The following PRRG1 variants were observed in gnomAD, a reference collection of about 807,000 sequenced individuals.
PRRG1 encodes the protein transmembrane gamma-carboxyglutamic acid protein 1.
PRRG1 carries 5 observed loss-of-function variants against 11.8 expected under a neutral mutation model. That is an observed-to-expected ratio of 0.42 (90% confidence interval 0.22 to 0.89). The LOEUF (loss-of-function observed/expected upper bound fraction) is 0.89, where lower values mean the gene tolerates loss of function less well. PRRG1 is among the 40% of genes least tolerant of loss of function. The pLI, the probability that PRRG1 is intolerant of heterozygous loss-of-function variation, is 0.28. For missense variants in PRRG1, 155 were observed against 166.1 expected (o/e 0.93, Z 0.37); for synonymous variants, 66 against 60.4 (o/e 1.09, Z -0.43).
chrX:37,356,188 A>T (rs1930227074), intron 1 of PRRG1, among the ~76,000 whole-genome samples: 1 of 112,133 alleles, frequency 8.9e-6, no homozygotes, highest in African/African-American at 3.2e-5. Context: ...ATACACATAA[A>T]TATACATATA....
chrX:37,408,604 AG>A (rs1354456250), intron 2 of PRRG1, among the ~76,000 whole-genome samples: 1 of 111,895 alleles, frequency 8.9e-6, no homozygotes, highest in Non-Finnish European at 1.9e-5. Context: ...TGCATATCAA[AG>A]CTTGCCGGCC....
chrX:37,448,175 G>A (rs1015437451), intron 3 of PRRG1, among the ~76,000 whole-genome samples: 5 of 112,223 alleles, frequency 4.5e-5, no homozygotes, highest in African/African-American at 1.6e-4. Flanking sequence ...CGAAAGCATA[G>A]ATTTATTGAA....
In PRRG1 at chrX:37,395,078, C is replaced by T. The variant is rs915223703; in HGVS notation, c.-41-11131C>T. ...GAACTATTAAAACTGTTATTTAATC[C>T]TCCCTCAAAGCCTGTGAAATTAGAG... On this transcript the variant is annotated intron_variant, in intron 1 of 3. Transcript: ENST00000378628. Among the ~76,000 whole-genome samples the T allele has an allele frequency of 2.7e-5, 3 of 111,450 alleles. No individual in the cohort carries two copies. In the East Asian group the frequency reaches 8.4e-4, roughly 31 times the overall value.
At chrX:37,423,366 GTGTT>G (rs1932714483) in intron 2 of PRRG1, among the ~76,000 whole-genome samples, 1 of 110,118 alleles carries the variant, frequency 9.1e-6, no homozygotes, top group Non-Finnish European at 1.9e-5. Context: ...GCTGTACAAT[GTGTT>G]TGTATTTTAA....
intron 3 of PRRG1, among the ~76,000 whole-genome samples, chrX:37,439,210 A>G (rs1396781197): frequency 3.6e-5 from 4 of 112,128 alleles, no homozygotes; most frequent in African/African-American, 1.3e-4. Context: ...TGTATATTTC[A>G]GAGGGTCACA....
At chrX:37,406,430 A>G (rs1932191645) in intron 2 of PRRG1, among the ~76,000 whole-genome samples, 171 bp downstream of exon 2, 1 of 110,972 alleles carries the variant, frequency 9.0e-6, no homozygotes, top group South Asian at 3.8e-4. Flanking sequence ...CATCAACCAC[A>G]TTTATTCACT....
chrX:37,378,270 A>G (rs1423529717), intron 1 of PRRG1, among the ~76,000 whole-genome samples: 1 of 111,990 alleles, frequency 8.9e-6, no homozygotes, highest in African/African-American at 3.2e-5. Flanking sequence ...TCTGAGGTAG[A>G]TGAATGCTTC....
chrX:37,383,956 A>G (rs1931236998), intron 1 of PRRG1, among the ~76,000 whole-genome samples: 1 of 110,410 alleles, frequency 9.1e-6, no homozygotes, highest in Admixed American at 9.8e-5. Context: ...GAATCTTACT[A>G]AAATTTAATC....
chrX:37,412,462 AT>A (rs112884532), intron 2 of PRRG1, among the ~76,000 whole-genome samples: 22,057 of 110,947 alleles, frequency 0.2, 2,512 homozygotes, highest in African/African-American at 0.43. Flanking sequence ...GCCTAATTTT[AT>A]TTGGCTTTAT....
chrX:37,423,980 T>C (rs928932392), intron 2 of PRRG1, among the ~76,000 whole-genome samples: 2 of 111,662 alleles, frequency 1.8e-5, no homozygotes, highest in African/African-American at 6.5e-5. Context: ...AGTAACAAAC[T>C]GAACAGATTT....
chrX:37,359,889 C>T (rs1556367156), intron 1 of PRRG1, among the ~76,000 whole-genome samples: 3 of 111,709 alleles, frequency 2.7e-5, no homozygotes, highest in African/African-American at 9.7e-5. Flanking sequence ...GGAATTGGTC[C>T]ATTTCAAGGA....
intron 2 of PRRG1, among the ~76,000 whole-genome samples, chrX:37,407,928 C>G (rs1294768046): frequency 8.9e-6 from 1 of 111,858 alleles, no homozygotes; most frequent in East Asian, 2.8e-4. Flanking sequence ...TTGAATCTTG[C>G]TGAATCAGCT....
intron 3 of PRRG1, among the ~76,000 whole-genome samples, chrX:37,432,344 C>T (rs1932840217): frequency 9.0e-6 from 1 of 111,704 alleles, no homozygotes; most frequent in African/African-American, 3.3e-5. Flanking sequence ...CCTTGGCCTC[C>T]CAAAGTGCTG....
intron 2 of PRRG1, among the ~76,000 whole-genome samples, chrX:37,418,088 C>T (rs1328352800): frequency 8.9e-6 from 1 of 112,231 alleles, no homozygotes. Context: ...TTAGGAAACA[C>T]GTTCAGATAA....
intron 3 of PRRG1, among the ~76,000 whole-genome samples, chrX:37,432,990 C>T (rs1471980047): frequency 9.0e-6 from 1 of 111,270 alleles, no homozygotes; most frequent in Non-Finnish European, 1.9e-5. Context: ...TTTTTCATAT[C>T]CCACACCCCA....
intron 1 of PRRG1, among the ~76,000 whole-genome samples, chrX:37,375,159 G>A (rs1930898336): frequency 8.9e-6 from 1 of 111,754 alleles, no homozygotes; most frequent in Admixed American, 9.5e-5. Flanking sequence ...GATGTAGTAA[G>A]GTGTAGGGAG....
At chrX:37,379,047 T>TC (rs1931071869) in intron 1 of PRRG1, among the ~76,000 whole-genome samples, 1 of 95,244 alleles carries the variant, frequency 1.0e-5, no homozygotes, top group African/African-American at 3.9e-5. Context: ...TTTTTTTTTT[T>TC]TTTTTTTTTT....
chrX:37,356,929 G>T (rs1345168809), intron 1 of PRRG1, among the ~76,000 whole-genome samples: 1 of 110,560 alleles, frequency 9.0e-6, no homozygotes, highest in Non-Finnish European at 1.9e-5. Flanking sequence ...AAAGCTAATT[G>T]TTTATATTAG....
chrX:37,406,849 A>T (rs1932201789), intron 2 of PRRG1, among the ~76,000 whole-genome samples: 1 of 111,578 alleles, frequency 9.0e-6, no homozygotes, highest in Admixed American at 9.6e-5. Context: ...CACCACAGGG[A>T]CTTCATAAAT....
Sources: allele counts gnomAD v4.1 joint callset (sites outside exome capture counted in the v4.1 genomes callset), GRCh38; gene constraint gnomAD v4.1.1; transcripts MANE v1.5; gene names NCBI Gene and HGNC (gene_info 2026-07-23, HGNC 2026-07-21).